KHDRBS3: variants seen among roughly 807,000 people sequenced by gnomAD.
The protein encoded by KHDRBS3 is KH RNA binding domain containing, signal transduction associated 3.
In KHDRBS3, 23 loss-of-function variants were observed where a neutral mutation model predicts 45.6. That is an observed-to-expected ratio of 0.50 (90% CI 0.36 to 0.72). KHDRBS3 has a LOEUF of 0.72. KHDRBS3 is among the 30% of genes least tolerant of loss of function. The pLI, the probability that KHDRBS3 is intolerant of heterozygous loss-of-function variation, is 0.00. For synonymous variants in KHDRBS3, 162 were observed against 156.5 expected (o/e 1.04, Z -0.26); for missense variants, 352 against 424.8 (o/e 0.83, Z 1.51).
intron 6 of KHDRBS3, among the ~76,000 whole-genome samples, chr8:135,601,530 GCACAGGACA>G (rs1941261555): frequency 1.3e-5 from 2 of 152,202 alleles, no homozygotes; most frequent in South Asian, 4.1e-4. Context: ...TGCATGGGAG[GCACAGGACA>G]CATTGCAGAA....
chr8:135,599,849 G>A (rs527462704), intron 6 of KHDRBS3, among the ~76,000 whole-genome samples: 5 of 152,336 alleles, frequency 3.3e-5, no homozygotes, highest in East Asian at 1.9e-4. Flanking sequence ...GAGGAATTGC[G>A]GGTGAAATGA....
At chr8:135,625,493 A>G (rs1830318597) in intron 7 of KHDRBS3, 1 of 793,146 alleles carries the variant, frequency 1.3e-6, no homozygotes, top group Non-Finnish European at 2.3e-6. Flanking sequence ...CTGTGTTGAG[A>G]TGGGCCTCAG....
chr8:135,623,452 T>C (rs1830231493), intron 7 of KHDRBS3, among the ~76,000 whole-genome samples: 1 of 152,226 alleles, frequency 6.6e-6, no homozygotes, highest in Admixed American at 6.5e-5. Context: ...CAAATTAATG[T>C]TCACCTTCCT....
chr8:135,581,524 G>C (rs1038213447), intron 5 of KHDRBS3, among the ~76,000 whole-genome samples: 1 of 152,186 alleles, frequency 6.6e-6, no homozygotes, highest in Non-Finnish European at 1.5e-5. Flanking sequence ...AGATAAGCAA[G>C]AAAAGGCACA....
intron 7 of KHDRBS3, among the ~76,000 whole-genome samples, chr8:135,609,335 C>A (rs1375055066): frequency 7.9e-5 from 12 of 151,090 alleles, no homozygotes; most frequent in African/African-American, 2.4e-4. Flanking sequence ...CCCTCTGTCA[C>A]CCAGGCTGGA....
At chr8:135,569,733 G>A (rs1240629567) in intron 5 of KHDRBS3, among the ~76,000 whole-genome samples, 4 of 152,034 alleles carry the variant, frequency 2.6e-5, no homozygotes, top group Non-Finnish European at 5.9e-5. Flanking sequence ...CCCACAACAG[G>A]GCCTGCGGCA....
chr8:135,603,055 G>A (rs1366322769), intron 6 of KHDRBS3, among the ~76,000 whole-genome samples: 2 of 152,152 alleles, frequency 1.3e-5, no homozygotes, highest in African/African-American at 4.8e-5. Flanking sequence ...GTGCTTTGAA[G>A]CTAATTTCTA....
At chr8:135,555,153 G>T (rs1826812227) in intron 4 of KHDRBS3, among the ~76,000 whole-genome samples, 1 of 152,202 alleles carries the variant, frequency 6.6e-6, no homozygotes, top group Non-Finnish European at 1.5e-5. Context: ...TTGGCAGAAT[G>T]TAAATACAAC....
intron 3 of KHDRBS3, among the ~76,000 whole-genome samples, chr8:135,547,806 A>T (rs1395563542): frequency 6.6e-6 from 1 of 152,156 alleles, no homozygotes; most frequent in Non-Finnish European, 1.5e-5. Flanking sequence ...TGTTAATCTT[A>T]ATCTGTCTGA....
chr8:135,575,686 TG>T (rs546322079), intron 5 of KHDRBS3, among the ~76,000 whole-genome samples: 18 of 152,224 alleles, frequency 1.2e-4, no homozygotes, highest in Non-Finnish European at 2.6e-4. Flanking sequence ...TTAGAACAGT[TG>T]TGGCTTTACA....
intron 1 of KHDRBS3, among the ~76,000 whole-genome samples, chr8:135,498,320 C>T (rs868055848): frequency 7.3e-5 from 11 of 150,584 alleles, no homozygotes; most frequent in Middle Eastern, 3.2e-3. Flanking sequence ...TTACTTCTCA[C>T]GAAGCAAGCC....
intron 6 of KHDRBS3, among the ~76,000 whole-genome samples, chr8:135,597,795 T>G (rs1279566163): frequency 3.3e-5 from 5 of 152,192 alleles, no homozygotes; most frequent in Non-Finnish European, 4.4e-5. Flanking sequence ...CCAATGAAAT[T>G]TAGTTATTCC....
At chr8:135,646,383 C>A (rs548061682) in intron 8 of KHDRBS3, among the ~76,000 whole-genome samples, 5 of 152,298 alleles carry the variant, frequency 3.3e-5, no homozygotes, top group South Asian at 4.1e-4. Context: ...TGAATGAAAT[C>A]TGACATTATG....
chr8:135,551,831 C>T (rs1338114001), intron 4 of KHDRBS3, among the ~76,000 whole-genome samples: 1 of 152,056 alleles, frequency 6.6e-6, no homozygotes, highest in African/African-American at 2.4e-5. Flanking sequence ...TTTCTTTAGA[C>T]TTTCCTGTAA....
At position 135,566,497 on chromosome 8, in the gene KHDRBS3, G is replaced by A. The variant is rs561390748; in HGVS notation, c.611+8910G>A. ...AAAACTAGAAACAGTAGAGGATGAAGTAGATCAGTTGATGAAAGAAATGCC... is the reference window on the plus strand; with the variant it reads ...AAAACTAGAAACAGTAGAGGATGAAATAGATCAGTTGATGAAAGAAATGCC... On this transcript the variant is annotated intron_variant, in intron 5 of 8. Coordinates refer to ENST00000355849, the MANE Select transcript of KHDRBS3 (RefSeq NM_006558.3). 7.9e-5 allele frequency among the ~76,000 whole-genome samples: 12 copies of A among 152,290 alleles called. No individual in the cohort carries two copies. The East Asian group carries it at 2.1e-3, about 27-fold the overall frequency.
intron 7 of KHDRBS3, among the ~76,000 whole-genome samples, chr8:135,629,256 G>A (rs182624889): frequency 2.2e-4 from 34 of 152,320 alleles, no homozygotes; most frequent in Admixed American, 2.0e-3. Context: ...TTACAATAGG[G>A]TTAAGGATAA....
intron 2 of KHDRBS3, among the ~76,000 whole-genome samples, chr8:135,536,981 A>G (rs1825798836): frequency 3.8e-5 from 2 of 52,428 alleles, no homozygotes; most frequent in Non-Finnish European, 7.0e-5. Context: ...AAAAAAAAAA[A>G]AAAAAAAAAA....
chr8:135,576,194 G>T (rs1157786338), intron 5 of KHDRBS3, among the ~76,000 whole-genome samples: 1 of 152,172 alleles, frequency 6.6e-6, no homozygotes, highest in Non-Finnish European at 1.5e-5. Flanking sequence ...ATGTTACCTT[G>T]ATAACGTAGC....
chr8:135,506,897 T>A (rs1824025872), intron 1 of KHDRBS3, among the ~76,000 whole-genome samples: 1 of 53,720 alleles, frequency 1.9e-5, no homozygotes, highest in South Asian at 6.3e-4. Flanking sequence ...TTGTTATAAG[T>A]TTGATTCTCT....
Sources: gnomAD v4.1 joint callset for allele counts (sites outside exome capture counted in the v4.1 genomes callset) on GRCh38, gnomAD v4.1.1 for gene constraint, MANE v1.5 for transcripts, NCBI Gene and HGNC (gene_info 2026-07-23, HGNC 2026-07-21) for gene names.